The following SYNJ1 variants were observed in gnomAD, a reference collection of about 807,000 sequenced individuals.
The protein encoded by SYNJ1 is synaptojanin 1, also known as polyphosphatidylinositol phosphatase SYNJ1.
Under a neutral mutation model 168.2 loss-of-function variants are expected in SYNJ1, and 78 were observed. The observed-to-expected ratio is 0.46, with a 90% CI of 0.39 to 0.56. SYNJ1 has a LOEUF of 0.56. Ranked by LOEUF, SYNJ1 falls within the 20% of genes least tolerant of loss-of-function variation. SYNJ1 has a pLI of 0.00. For synonymous variants in SYNJ1, 539 were observed against 548.6 expected (o/e 0.98, Z 0.24); for missense variants, 1,303 against 1,597.6 (o/e 0.82, Z 3.14).
rs760986879 is a variant in SYNJ1, at chr21:32,673,548, A to G, written c.1535-17T>C. The G allele has an allele frequency of 6.4e-7, 1 of 1,568,130 alleles. No homozygotes were observed. On this transcript the variant is annotated splice_polypyrimidine_tract_variant and intron_variant, in intron 13 of 32. Coordinates refer to ENST00000674351, the MANE Select transcript of SYNJ1 (RefSeq NM_203446.3). ...TAGAAGATGCTAATCAAGAGAAGAC[A>G]CAATAGAATTTTAGCTGCATCAAAC...
At chr21:32,639,600 G>T in intron 30 of SYNJ1, 71 bp downstream of exon 30, 1 of 1,271,312 alleles carries the variant, frequency 7.9e-7, no homozygotes, top group Non-Finnish European at 1.1e-6. Context: ...GTCTCACTAT[G>T]TTGCCCAAGC....
chr21:32,696,522 T>C (rs1260179067), intron 4 of SYNJ1, among the ~76,000 whole-genome samples: 1 of 152,146 alleles, frequency 6.6e-6, no homozygotes, highest in Non-Finnish European at 1.5e-5. Flanking sequence ...ACTAACAATA[T>C]ACCACTAAGG....
rs2145660046 is a variant in SYNJ1, at chr21:32,631,720, G to GC, written c.*84dup. On this transcript the variant is annotated 3_prime_UTR_variant, in exon 33 of 33. Coordinates refer to ENST00000674351, the MANE Select transcript of SYNJ1 (RefSeq NM_203446.3). ...GATAGCTGAGCCTTTGATACAGCAAGCAGATTAAATGACAGATCTTCAAAT... is the reference window on the plus strand; with the variant it reads ...GATAGCTGAGCCTTTGATACAGCAAGCCAGATTAAATGACAGATCTTCAAAT... The GC allele has an allele frequency of 6.2e-7, 1 of 1,614,210 alleles. No individual in the cohort carries two copies. The highest frequency in any genetic ancestry group is 8.5e-7 in the Non-Finnish European group (1 of 1,180,032).
chr21:32,661,085 T>G (rs1443200339), intron 18 of SYNJ1, among the ~76,000 whole-genome samples: 2 of 152,098 alleles, frequency 1.3e-5, no homozygotes, highest in African/African-American at 4.8e-5. Flanking sequence ...GTGGGGCAAG[T>G]AATAAAAGAA....
At position 32,629,542 on chromosome 21, in the gene SYNJ1, C is replaced by T. The variant is rs556155168; in HGVS notation, c.*2263G>A. ...CTGTGCTTTTAACATTCTACATATT[C>T]GTAGCCATGAACGCTATTTTTTGAT... On this transcript the variant is annotated 3_prime_UTR_variant, in exon 33 of 33. Transcript: ENST00000674351. 6 of 152,716 alleles carry T rather than the reference C, an allele frequency of 3.9e-5. 1 individual carries two copies. The highest frequency in any genetic ancestry group is 3.4e-3 in the Middle Eastern group (1 of 294). The allele number at this position is 152,716 out of a possible 1,614,324, so 9.5% of individuals were successfully genotyped here.
rs756616311 is a variant in SYNJ1, at chr21:32,681,595, C to G, written c.1254G>C (p.Val418=). Reference sequence around the variant, plus strand: ...ACCGAAAAACTTCTTGAAAGCGAGTCACCAACTGAGGCTTTTCAGCTAAAC... The same window carrying G: ...ACCGAAAAACTTCTTGAAAGCGAGTGACCAACTGAGGCTTTTCAGCTAAAC... ...ALGLAEKPQL[V]TRFQEVFRSM... Residue 418 remains valine (V), a synonymous_variant, in exon 11 of 33, where the codon GTG becomes GTC. Transcript: ENST00000674351. 3.1e-6 allele frequency: 5 copies of G among 1,613,850 alleles called. No individual in the cohort carries two copies. The East Asian group carries it at 1.1e-4, about 36-fold the overall frequency.
intron 3 of SYNJ1, among the ~76,000 whole-genome samples, chr21:32,700,837 C>T (rs1479359514): frequency 6.6e-6 from 1 of 152,124 alleles, no homozygotes; most frequent in Non-Finnish European, 1.5e-5. Context: ...CTATTATCAG[C>T]TGATGATGTT....
chr21:32,664,678 C>T (rs2040853722), intron 18 of SYNJ1, among the ~76,000 whole-genome samples: 1 of 152,190 alleles, frequency 6.6e-6, no homozygotes, highest in South Asian at 2.1e-4. Context: ...CGTGAGTCCG[C>T]TGCTGCTCCC....
At chr21:32,636,886 A>G (rs985816728) in intron 31 of SYNJ1, among the ~76,000 whole-genome samples, 1 of 152,172 alleles carries the variant, frequency 6.6e-6, no homozygotes, top group African/African-American at 2.4e-5. Context: ...TTTGAAACAA[A>G]TATCTTTGTC....
chr21:32,648,249 A>G (rs2040146803), intron 23 of SYNJ1, among the ~76,000 whole-genome samples: 1 of 152,106 alleles, frequency 6.6e-6, no homozygotes, highest in African/African-American at 2.4e-5. Context: ...AGGACCTCCA[A>G]TCTTCCTAGA....
intron 12 of SYNJ1, among the ~76,000 whole-genome samples, chr21:32,677,151 A>G (rs188363345): frequency 2.2e-3 from 332 of 152,294 alleles, no homozygotes; most frequent in African/African-American, 7.7e-3. Flanking sequence ...GGCTCATAAC[A>G]CACATAGTGA....
Position 32,727,986 on chromosome 21 carries a change from C to T in SYNJ1, c.-63G>A, listed in dbSNP as rs779276328. 1.1e-5 allele frequency: 17 copies of T among 1,535,428 alleles called. No individual in the cohort carries two copies. In the South Asian group the frequency reaches 1.2e-4, roughly 11 times the overall value. ...CTCCTCCTCCTTCTCCCGCAGCCGC[C>T]GCCACAGCCGCCGGGAGCGTCACTT... On this transcript the variant is annotated 5_prime_UTR_variant, in exon 1 of 33. Transcript: ENST00000674351.
intron 8 of SYNJ1, among the ~76,000 whole-genome samples, chr21:32,686,432 T>TA (rs1315255576): frequency 6.6e-6 from 1 of 152,180 alleles, no homozygotes; most frequent in African/African-American, 2.4e-5. Context: ...TGTAACAACA[T>TA]AATTTATATT....
chr21:32,639,074 T>G lies in SYNJ1; in HGVS notation c.3749A>C (p.Gln1250Pro). The change falls in exon 31 of 33, where the codon CAG becomes CCG. Residue 1250 changes from glutamine (Q) to proline (P), a missense_variant. Physicochemically the swap from Gln to Pro is moderately conservative, Grantham distance 76. This residue lies in a region of SYNJ1 where 383 missense variants were observed against 388.8 expected (regional missense o/e 0.99). Coordinates refer to ENST00000674351, the MANE Select transcript of SYNJ1 (RefSeq NM_203446.3). Reference sequence around the variant, plus strand: ...TTGAGCAGGCGGGGGCAAAGAAGACTGCGGAGGAAAAGCAGCCTGAGGCTT... The same window carrying G: ...TTGAGCAGGCGGGGGCAAAGAAGACGGCGGAGGAAAAGCAGCCTGAGGCTT... ...PLKPQAAFPP[Q>P]SSLPPPAQRL... 6.2e-7 allele frequency: 1 copy of G among 1,614,038 alleles called. No individual in the cohort carries two copies. The highest frequency in any genetic ancestry group is 8.5e-7 in the Non-Finnish European group (1 of 1,179,952).
At chr21:32,655,995 G>T (rs760842079) in intron 21 of SYNJ1, among the ~76,000 whole-genome samples, 1 of 152,040 alleles carries the variant, frequency 6.6e-6, no homozygotes, top group Non-Finnish European at 1.5e-5. Flanking sequence ...CAGGGAGGGA[G>T]TCATTCTTAT....
At chr21:32,709,214 A>G (rs1335059534) in intron 2 of SYNJ1, among the ~76,000 whole-genome samples, 2 of 152,056 alleles carry the variant, frequency 1.3e-5, no homozygotes, top group Non-Finnish European at 2.9e-5. Flanking sequence ...GGTTGGGCAC[A>G]GTGGCTCACA....
chr21:32,665,077 A>G lies in SYNJ1; in HGVS notation c.2146-6T>C. 1 of 1,583,116 alleles carries G rather than the reference A, an allele frequency of 6.3e-7. No homozygotes were observed. Among genetic ancestry groups the G allele is most frequent in the Non-Finnish European group, 8.6e-7 (1 of 1,164,076 alleles). On this transcript the variant is annotated splice_region_variant and splice_polypyrimidine_tract_variant and intron_variant, in intron 17 of 32. Transcript: ENST00000674351. Reference sequence around the variant, plus strand: ...TGGGAAAATAGCATCCTTCCCTGAAAGCAATGAGATAGAATTTTAAATTCA... The same window carrying G: ...TGGGAAAATAGCATCCTTCCCTGAAGGCAATGAGATAGAATTTTAAATTCA...
intron 2 of SYNJ1, among the ~76,000 whole-genome samples, chr21:32,705,002 A>C (rs765885849): frequency 6.6e-6 from 1 of 152,084 alleles, no homozygotes; most frequent in Admixed American, 6.5e-5. Context: ...ACAAAAAATT[A>C]GCCAGGTGTG....
chr21:32,655,421 G>A (rs1196525409), intron 21 of SYNJ1, among the ~76,000 whole-genome samples: 1 of 152,158 alleles, frequency 6.6e-6, no homozygotes, highest in East Asian at 1.9e-4. Flanking sequence ...GAAAGCTTTG[G>A]GATAGACCTT....
Sources: gnomAD v4.1 joint callset for allele counts (sites outside exome capture counted in the v4.1 genomes callset) on GRCh38, gnomAD v4.1.1 for gene constraint, gnomAD v4.1.1 regional missense constraint, MANE v1.5 for transcripts, NCBI Gene and HGNC (gene_info 2026-07-23, HGNC 2026-07-21) for gene names.